The following ZNF710 variants were observed in gnomAD, a reference collection of about 807,000 sequenced individuals.
ZNF710 encodes the protein zinc finger protein 710.
In ZNF710, 13 loss-of-function variants were observed where a neutral mutation model predicts 50.6. That is an observed-to-expected ratio of 0.26 (90% confidence interval 0.17 to 0.41). The LOEUF (loss-of-function observed/expected upper bound fraction) is 0.41. Ranked by LOEUF, ZNF710 falls within the 10% of genes least tolerant of loss-of-function variation. The pLI is 1.00. For missense variants in ZNF710, 721 were observed against 936.6 expected (o/e 0.77, Z 3.01); for synonymous variants, 383 against 397.0 (o/e 0.96, Z 0.42).
chr15:90,007,100 G>T (rs1274931506), intron 1 of ZNF710, among the ~76,000 whole-genome samples: 1 of 152,132 alleles, frequency 6.6e-6, no homozygotes, highest in Non-Finnish European at 1.5e-5. Flanking sequence ...CAGAGCTTTT[G>T]ATAAGGATCA....
intron 1 of ZNF710, among the ~76,000 whole-genome samples, chr15:90,031,027 A>AAAAAC (rs1567226806): frequency 1.3e-5 from 2 of 150,118 alleles, no homozygotes; most frequent in Admixed American, 1.3e-4. Flanking sequence ...TCAAAAAAAA[A>AAAAAC]GAAAAAAAAA....
At position 90,030,350 on chromosome 15, in the gene ZNF710, A is replaced by G. The variant is rs940785230; in HGVS notation, c.-29+28736A>G. On this transcript the variant is annotated intron_variant, in intron 1 of 4. Coordinates refer to ENST00000268154, the MANE Select transcript of ZNF710 (RefSeq NM_198526.4). ...ATCTCAAAAAAAAAAAAAAAAAAAA[A>G]AAAGAAAGAATTAGCTATCAGCTCC... Among the ~76,000 whole-genome samples the G allele has an allele frequency of 1.6e-4, 24 of 150,766 alleles. No individual in the cohort carries two copies. In the East Asian group the frequency reaches 2.0e-3, roughly 12 times the overall value.
chr15:90,000,279 C>T (rs142653601), upstream of ZNF710, among the ~76,000 whole-genome samples: 2,229 of 152,346 alleles, frequency 0.015, 50 homozygotes, highest in African/African-American at 0.051. Context: ...CCGAGGGCTC[C>T]GGACCCGCCC....
In ZNF710 at chr15:90,067,250, T is replaced by C; in HGVS notation, c.113T>C (p.Ile38Thr). 1.2e-6 allele frequency: 2 copies of C among 1,613,396 alleles called. No homozygotes were observed. The highest frequency in any genetic ancestry group is 8.5e-7 in the Non-Finnish European group (1 of 1,179,846). ...VSENELFGAT[I>T]SAEAFYPDLG... ...GAAAATGAGCTCTTTGGAGCTACCATAAGCGCCGAGGCCTTCTACCCGGAC... is the reference window on the plus strand; with the variant it reads ...GAAAATGAGCTCTTTGGAGCTACCACAAGCGCCGAGGCCTTCTACCCGGAC... Residue 38 changes from isoleucine (I) to threonine (T), a missense_variant, in exon 2 of 5, where the codon ATA (isoleucine) becomes ACA (threonine). Physicochemically the swap from Ile to Thr is moderately conservative, Grantham distance 89. Around this residue, in one of 3 missense-constraint regions of ZNF710, gnomAD observed 326 missense variants for 347.1 expected, o/e 0.94. Transcript: ENST00000268154. The surrounding 1 kb of genome is among the most constrained non-coding windows in gnomAD (Gnocchi z 8.1).
intron 1 of ZNF710, among the ~76,000 whole-genome samples, chr15:90,053,796 C>T (rs2151510440): frequency 6.6e-6 from 1 of 152,240 alleles, no homozygotes; most frequent in African/African-American, 2.4e-5. Context: ...ATGCCTCCTC[C>T]CAGGGAGCCC....
chr15:89,999,038 TA>T (rs376673697), upstream of ZNF710, among the ~76,000 whole-genome samples: 2 of 152,214 alleles, frequency 1.3e-5, no homozygotes, highest in Admixed American at 6.5e-5. Context: ...TAAGCTGCAG[TA>T]AACACTTCAA....
intron 1 of ZNF710, among the ~76,000 whole-genome samples, chr15:90,032,142 C>T (rs1187447355): frequency 2.0e-5 from 3 of 152,148 alleles, no homozygotes; most frequent in Admixed American, 6.5e-5. Context: ...GGATTAGAGG[C>T]GCCTGCCACC....
intron 1 of ZNF710, among the ~76,000 whole-genome samples, chr15:90,009,438 A>G (rs778065108): frequency 6.6e-6 from 1 of 151,962 alleles, no homozygotes; most frequent in Non-Finnish European, 1.5e-5. Context: ...TAGACTTGCC[A>G]TTACCCAGAA....
chr15:90,026,798 G>C (rs1898794511), intron 1 of ZNF710, among the ~76,000 whole-genome samples: 1 of 152,108 alleles, frequency 6.6e-6, no homozygotes. Flanking sequence ...AATATGTGCT[G>C]GGGAAAAATG....
Position 90,012,464 on chromosome 15 carries a change from G to T in ZNF710, c.-29+10850G>T, listed in dbSNP as rs552221896. ...TTTTTGTATTTTTAGTAGAGACGGG[G>T]TTTCACCGTGTTAGCCAGGATAGTC... On this transcript the variant is annotated intron_variant, in intron 1 of 4. Transcript: ENST00000268154. Among the ~76,000 whole-genome samples, 3 of 152,000 alleles carry T rather than the reference G, an allele frequency of 2.0e-5. No individual in the cohort carries two copies. The East Asian group carries it at 5.8e-4, about 30-fold the overall frequency.
chr15:90,019,811 C>T (rs1324272289), intron 1 of ZNF710, among the ~76,000 whole-genome samples: 1 of 152,202 alleles, frequency 6.6e-6, no homozygotes, highest in Non-Finnish European at 1.5e-5. Context: ...TTCTCTGGTG[C>T]CAGCCGTTAG....
In ZNF710 at chr15:90,067,254, C is replaced by T. The variant is rs1431957880; in HGVS notation, c.117C>T (p.Ser39=). The change falls in exon 2 of 5, where the codon AGC becomes AGT. Residue 39 remains serine, a synonymous_variant. Transcript: ENST00000268154. The surrounding 1 kb of genome is among the most constrained non-coding windows in gnomAD (Gnocchi z 8.1). ...ATGAGCTCTTTGGAGCTACCATAAG[C>T]GCCGAGGCCTTCTACCCGGACCTGG... is the stretch of plus-strand genomic sequence containing the variant. The part of the protein sequence containing the change: ...SENELFGATI[S]AEAFYPDLGP... The T allele has an allele frequency of 3.1e-6, 5 of 1,613,134 alleles. No individual in the cohort carries two copies. Among genetic ancestry groups the T allele is most frequent in the South Asian group, 1.1e-5 (1 of 90,980 alleles).
chr15:89,999,395 T>G (rs1443827782), upstream of ZNF710, among the ~76,000 whole-genome samples: 2 of 152,250 alleles, frequency 1.3e-5, no homozygotes, highest in Non-Finnish European at 2.9e-5. Flanking sequence ...AAGTGCATGC[T>G]TGGCTCTAAG....
chr15:90,080,516 G>A lies in ZNF710; in HGVS notation c.*687G>A, dbSNP rs371179691. On this transcript the variant is annotated 3_prime_UTR_variant, in exon 5 of 5. Transcript: ENST00000268154. Reference sequence around the variant, plus strand: ...CCTACAGTGGATTGCAACACATGTCGTCCACTTCGACCCTAGCTGGAGTGC... The same window carrying A: ...CCTACAGTGGATTGCAACACATGTCATCCACTTCGACCCTAGCTGGAGTGC... 13 of 152,670 alleles carry A rather than the reference G, an allele frequency of 8.5e-5. No homozygotes were observed. The allele number at this position is 152,670 out of a possible 1,614,324, so 9.5% of individuals were successfully genotyped here.
intron 1 of ZNF710, among the ~76,000 whole-genome samples, chr15:90,054,867 G>A (rs1304091756): frequency 1.3e-5 from 2 of 152,174 alleles, no homozygotes; most frequent in African/African-American, 2.4e-5. Flanking sequence ...CCTCCCCCTC[G>A]GAACAGGAAC....
chr15:90,024,892 G>A (rs1051138621), intron 1 of ZNF710: 1 of 152,238 alleles, frequency 6.6e-6, no homozygotes, highest in Non-Finnish European at 1.5e-5. Context: ...CCTGCACCGG[G>A]TATTTGGCCA....
Position 90,040,233 on chromosome 15 carries a change from C to T in ZNF710, c.-28-26877C>T, listed in dbSNP as rs1027991954. On this transcript the variant is annotated intron_variant, in intron 1 of 4. Coordinates refer to ENST00000268154, the MANE Select transcript of ZNF710 (RefSeq NM_198526.4). This position sits in a 1 kb window ranked among gnomAD's most constrained non-coding sequence, Gnocchi z 4.6. ...TGCCTCCTCTGCACGTAGATCATACCGCCTTTGTTGAGGAAGTCGTGTCTG... is the reference window on the plus strand; with the variant it reads ...TGCCTCCTCTGCACGTAGATCATACTGCCTTTGTTGAGGAAGTCGTGTCTG... Among the ~76,000 whole-genome samples the T allele has an allele frequency of 2.0e-5, 3 of 152,204 alleles. No individual in the cohort carries two copies. The highest frequency in any genetic ancestry group is 7.2e-5 in the African/African-American group (3 of 41,456).
chr15:90,005,075 G>A lies in ZNF710; in HGVS notation c.-29+3461G>A, dbSNP rs193087240. On this transcript the variant is annotated intron_variant, in intron 1 of 4. Coordinates refer to ENST00000268154, the MANE Select transcript of ZNF710 (RefSeq NM_198526.4). The stretch of plus-strand genomic sequence containing the variant: ...TTGGTCAGGAGAGAAGAGAAGGAGT[G>A]TAAGGACCCAAGACCTGAACTGATT... Among the ~76,000 whole-genome samples, 522 of 152,348 alleles carry A rather than the reference G, an allele frequency of 3.4e-3. 1 individual carries two copies. The highest frequency in any genetic ancestry group is 5.3e-3 in the Non-Finnish European group (359 of 68,032).
chr15:90,065,483 C>T (rs533682747), intron 1 of ZNF710, among the ~76,000 whole-genome samples: 11 of 152,330 alleles, frequency 7.2e-5, no homozygotes, highest in Admixed American at 2.6e-4. Flanking sequence ...CTGGAGAGGG[C>T]ACGAGGGCAG....
Sources: allele counts gnomAD v4.1 joint callset (sites outside exome capture counted in the v4.1 genomes callset), GRCh38; gene constraint gnomAD v4.1.1; regional missense constraint gnomAD v4.1.1; non-coding constraint Gnocchi (gnomAD v3.1); transcripts MANE v1.5; gene names NCBI Gene and HGNC (gene_info 2026-07-23, HGNC 2026-07-21).